Variants in COL13A1 observed in about 807,000 individuals in gnomAD.
The protein encoded by COL13A1 is collagen type XIII alpha 1 chain.
COL13A1 carries 89 observed loss-of-function variants against 130.9 expected under a neutral mutation model. That is an observed-to-expected ratio of 0.68 (90% CI 0.57 to 0.81). The LOEUF (loss-of-function observed/expected upper bound fraction) is 0.81, where lower values mean the gene tolerates loss of function less well. Among genes scored for constraint, COL13A1 ranks in the 30% least tolerant of loss-of-function variants. COL13A1 has a pLI of 0.00. For synonymous variants in COL13A1, 402 were observed against 341.6 expected (o/e 1.18, Z -1.95); for missense variants, 879 against 934.6 (o/e 0.94, Z 0.78).
At chr10:69,894,741 A>G in intron 12 of COL13A1, 40 bp downstream of exon 12, 1 of 1,613,192 alleles carries the variant, frequency 6.2e-7, no homozygotes, top group East Asian at 2.2e-5. Flanking sequence ...CCATCTCAGG[A>G]AATGGCCTCC....
Position 69,878,040 on chromosome 10 carries a change from G to A in COL13A1, c.437G>A (p.Gly146Glu). ...CTGTGTTGCATGTGGCTGCCCCAGG[G>A]AGTAAAGGGCCAACCAGGCGAGAAG... is the stretch of plus-strand genomic sequence containing the variant. The part of the protein sequence containing the change: ...KGAIGMPGRV[G>E]VKGQPGEKGS... The change falls in exon 6 of 41, where the codon GGA becomes GAA. Residue 146 changes from glycine to glutamate, a missense_variant and splice_region_variant. By Grantham distance (98) the Gly-to-Glu change is moderately conservative. This residue lies in a region of COL13A1 where 715 missense variants were observed against 721.0 expected (regional missense o/e 0.99). Transcript: ENST00000645393. 1 of 702,934 alleles carries A rather than the reference G, an allele frequency of 1.4e-6. No homozygotes were observed. The highest frequency in any genetic ancestry group is 2.6e-6 in the Non-Finnish European group (1 of 385,008). 43.5% of individuals were successfully genotyped at this position (702,934 alleles called of 1,614,324 possible). A position where few individuals can be genotyped will look rare whatever the true frequency, so the allele number is the denominator to read the frequency against.
At chr10:69,921,815 C>T (rs947680486) in intron 21 of COL13A1, 67 bp from the exon 22 acceptor site, 7 of 1,555,254 alleles carry the variant, frequency 4.5e-6, no homozygotes, top group Admixed American at 1.9e-5. Context: ...AGCTGTGGAG[C>T]TGGTGGCTTC....
At position 69,898,711 on chromosome 10, in the gene COL13A1, C is replaced by T. The variant is rs748058086; in HGVS notation, c.699C>T (p.Leu233=). The T allele has an allele frequency of 4.3e-6, 7 of 1,613,588 alleles. No homozygotes were observed. The South Asian group carries it at 6.6e-5, about 15-fold the overall frequency. Residue 233 remains leucine, a synonymous_variant, in exon 14 of 41, where the codon CTC becomes CTT. Transcript: ENST00000645393. ...TTTCTCCTCAGCTGCTGCCTCTCCT[C>T]AATTCAGTGCGACTGGCTCCACCCC... The part of the protein sequence containing the change: ...GEYPHRLLPL[L]NSVRLAPPPV...
intron 10 of COL13A1, among the ~76,000 whole-genome samples, chr10:69,891,128 T>C (rs753884231): frequency 1.2e-4 from 18 of 152,200 alleles, no homozygotes; most frequent in Non-Finnish European, 2.4e-4. Flanking sequence ...AGACTGTTCT[T>C]GCCATCTGTA....
rs372870787 is a variant in COL13A1, at chr10:69,872,166, C to T, written c.373-18C>T. 27 of 1,613,976 alleles carry T rather than the reference C, an allele frequency of 1.7e-5. No homozygotes were observed. Among genetic ancestry groups the T allele is most frequent in the Admixed American group, 1.2e-4 (7 of 60,024 alleles). On this transcript the variant is annotated intron_variant, in intron 3 of 40. Coordinates refer to ENST00000645393, the MANE Select transcript of COL13A1 (RefSeq NM_001368882.1). ...ACGATACCTGCCTGACCTACGTAAA[C>T]GTCACTCTTCATTTCAGGGTCCCAC...
intron 2 of COL13A1, among the ~76,000 whole-genome samples, chr10:69,830,688 T>A (rs12247348): frequency 0.04 from 6,055 of 152,282 alleles, 331 homozygotes; most frequent in African/African-American, 0.12. Flanking sequence ...GCTATTAGGC[T>A]GGGTGGTGGG....
intron 1 of COL13A1, among the ~76,000 whole-genome samples, chr10:69,807,201 G>A (rs1009535358): frequency 2.6e-5 from 4 of 152,102 alleles, no homozygotes; most frequent in Admixed American, 6.5e-5. Flanking sequence ...AATGCTATGC[G>A]TGTCACCACT....
chr10:69,821,395 G>T (rs1293021823), intron 1 of COL13A1, among the ~76,000 whole-genome samples: 2 of 152,182 alleles, frequency 1.3e-5, no homozygotes, highest in Admixed American at 1.3e-4. Context: ...CCTTGACCTT[G>T]GCCAGGTGCA....
chr10:69,821,687 C>T (rs1846110354), intron 1 of COL13A1, among the ~76,000 whole-genome samples: 2 of 152,132 alleles, frequency 1.3e-5, no homozygotes. Context: ...GTCACATTGC[C>T]CTGTGCAGTG....
intron 2 of COL13A1, among the ~76,000 whole-genome samples, chr10:69,853,242 C>T (rs1338339817): frequency 1.3e-5 from 2 of 152,208 alleles, no homozygotes; most frequent in African/African-American, 4.8e-5. Flanking sequence ...CCTGCTGTTT[C>T]CATTTCCTAT....
At chr10:69,930,818 C>T (rs767392022) in intron 30 of COL13A1, among the ~76,000 whole-genome samples, 8 of 152,190 alleles carry the variant, frequency 5.3e-5, no homozygotes, top group Non-Finnish European at 8.8e-5. Flanking sequence ...TCCGTCTCCT[C>T]ATCTCTAAAC....
chr10:69,857,426 C>T (rs754878439), intron 2 of COL13A1, among the ~76,000 whole-genome samples: 17 of 152,170 alleles, frequency 1.1e-4, no homozygotes, highest in Non-Finnish European at 2.1e-4. Flanking sequence ...TGGTTCAGAG[C>T]AAGCGAAGTG....
In COL13A1 at chr10:69,922,755, A is replaced by C; in HGVS notation, c.1191A>C (p.Glu397Asp). The C allele has an allele frequency of 6.2e-7, 1 of 1,605,360 alleles. No homozygotes were observed. Among genetic ancestry groups the C allele is most frequent in the Non-Finnish European group, 8.5e-7 (1 of 1,176,426 alleles). ...ACTCCATTGGAGGAGGCAGAGGGGA[A>C]CCTGGCCCTCCAGGGCTCCCTGGGC... is the stretch of plus-strand genomic sequence containing the variant. ...AGNSIGGGRG[E>D]PGPPGLPGPP... Residue 397 changes from glutamate to aspartate, a missense_variant, in exon 23 of 41, where the codon GAA (glutamate) becomes GAC (aspartate). By Grantham distance (45) the Glu-to-Asp change is conservative. This residue lies in a region of COL13A1 where 715 missense variants were observed against 721.0 expected (regional missense o/e 0.99). Coordinates refer to ENST00000645393, the MANE Select transcript of COL13A1 (RefSeq NM_001368882.1).
chr10:69,867,410 C>CG (rs1564890649), intron 2 of COL13A1, among the ~76,000 whole-genome samples: 1 of 152,228 alleles, frequency 6.6e-6, no homozygotes, highest in Non-Finnish European at 1.5e-5. Context: ...CTCATCTCTA[C>CG]GGGATCTGTT....
At chr10:69,865,429 T>G (rs887845026) in intron 2 of COL13A1, among the ~76,000 whole-genome samples, 1 of 152,238 alleles carries the variant, frequency 6.6e-6, no homozygotes, top group African/African-American at 2.4e-5. Flanking sequence ...AATGCAGGCC[T>G]GTTTGATGAA....
intron 15 of COL13A1, among the ~76,000 whole-genome samples, chr10:69,904,566 T>C (rs751950061): frequency 1.7e-3 from 261 of 152,178 alleles, no homozygotes; most frequent in Non-Finnish European, 9.7e-4. Flanking sequence ...GAGGCTTTGC[T>C]GGGCAAGGCC....
At chr10:69,942,124 G>C (rs2136100035) in intron 35 of COL13A1, among the ~76,000 whole-genome samples, 1 of 152,318 alleles carries the variant, frequency 6.6e-6, no homozygotes, top group East Asian at 1.9e-4. Flanking sequence ...CCGGCACCAA[G>C]AGAAGCCCAG....
At chr10:69,852,491 C>T (rs555452305) in intron 2 of COL13A1, among the ~76,000 whole-genome samples, 1 of 152,384 alleles carries the variant, frequency 6.6e-6, no homozygotes, top group East Asian at 1.9e-4. Flanking sequence ...AGCTCGACTG[C>T]TAGAAGATGT....
intron 23 of COL13A1, among the ~76,000 whole-genome samples, chr10:69,922,996 G>A (rs1354655327): frequency 6.6e-6 from 1 of 152,228 alleles, no homozygotes; most frequent in Non-Finnish European, 1.5e-5. Context: ...TGACCTTTCA[G>A]AGGAGATGTC....
Sources: allele counts gnomAD v4.1 joint callset (sites outside exome capture counted in the v4.1 genomes callset), GRCh38; gene constraint gnomAD v4.1.1; regional missense constraint gnomAD v4.1.1; transcripts MANE v1.5; gene names NCBI Gene and HGNC (gene_info 2026-07-23, HGNC 2026-07-21).